Variants in RAPGEF6 observed in about 807,000 individuals in gnomAD.
The protein encoded by RAPGEF6 is PDZ domain containing guanine nucleotide exchange factor (GEF) 2.
Under a neutral mutation model 171.4 loss-of-function variants are expected in RAPGEF6, and 56 were observed. That is an observed-to-expected ratio of 0.33 (90% CI 0.26 to 0.41). RAPGEF6 has a LOEUF of 0.41. RAPGEF6 is among the 10% of genes least tolerant of loss of function. The pLI is 1.00. For synonymous variants in RAPGEF6, 692 were observed against 650.1 expected (o/e 1.06, Z -0.98); for missense variants, 1,674 against 1,921.4 (o/e 0.87, Z 2.41).
chr5:131,603,172 CTCTACATAAA>C, intron 3 of RAPGEF6, 89 bp downstream of exon 3: 1 of 862,778 alleles, frequency 1.2e-6, no homozygotes, highest in South Asian at 1.6e-5. Context: ...TTTCAGTGTG[CTCTACATAAA>C]TTGTCCCAGA....
intron 17 of RAPGEF6, among the ~76,000 whole-genome samples, chr5:131,467,799 A>C (rs1754462420): frequency 1.3e-5 from 2 of 152,206 alleles, no homozygotes; most frequent in Non-Finnish European, 2.9e-5. Context: ...TAGGGGGCTG[A>C]GGTGGGCAGA....
chr5:131,585,266 A>G (rs1253238189), intron 4 of RAPGEF6, among the ~76,000 whole-genome samples: 1 of 60,368 alleles, frequency 1.7e-5, no homozygotes, highest in South Asian at 5.7e-4. Flanking sequence ...GAAAAGTTCT[A>G]GAAAATAAGA....
intron 1 of RAPGEF6, among the ~76,000 whole-genome samples, chr5:131,628,357 C>A (rs1350362573): frequency 6.6e-6 from 1 of 151,918 alleles, no homozygotes; most frequent in Non-Finnish European, 1.5e-5. Context: ...AACCATCAAA[C>A]CAGCCACAAC....
chr5:131,557,318 C>G lies in RAPGEF6; in HGVS notation c.351+4660G>C, dbSNP rs1001727392. On this transcript the variant is annotated intron_variant, in intron 5 of 27. Coordinates refer to ENST00000509018, the MANE Select transcript of RAPGEF6 (RefSeq NM_016340.6). ...TCCTACAACTTTTTTCAGATTTAATCTGATGTATATAGATGGTTTTGATGT... is the reference window on the plus strand; with the variant it reads ...TCCTACAACTTTTTTCAGATTTAATGTGATGTATATAGATGGTTTTGATGT... Among the ~76,000 whole-genome samples, 100 of 152,146 alleles carry G rather than the reference C, an allele frequency of 6.6e-4. 1 individual carries two copies. The highest frequency in any genetic ancestry group is 2.1e-3 in the African/African-American group (87 of 41,504).
At chr5:131,589,476 G>T (rs550684646) in intron 4 of RAPGEF6, among the ~76,000 whole-genome samples, 332 of 152,278 alleles carry the variant, frequency 2.2e-3, no homozygotes, top group African/African-American at 7.8e-3. Context: ...TTGTATAAAG[G>T]ATAGTTTTGT....
rs756707362 is a variant in RAPGEF6 at position 131,429,007 on chromosome 5, C to T, written c.4675G>A (p.Val1559Met). The T allele has an allele frequency of 7.4e-6, 12 of 1,614,018 alleles. No individual in the cohort carries two copies. Among genetic ancestry groups the T allele is most frequent in the Middle Eastern group, 1.6e-4 (1 of 6,084 alleles). Reference sequence around the variant, plus strand: ...ACAATCTTCGATGGAACACAGGCCACGAGGTTGCTACTGAGAGAAGCTGGT... The same window carrying T: ...ACAATCTTCGATGGAACACAGGCCATGAGGTTGCTACTGAGAGAAGCTGGT... ...LPPASLSSNL[V>M]ACVPSKIVTQ... is the part of the protein sequence containing the mutation. Residue 1559 changes from valine (V) to methionine (M), a missense_variant, in exon 27 of 28, where the codon GTG (valine) becomes ATG (methionine). Coordinates refer to ENST00000509018, the MANE Select transcript of RAPGEF6 (RefSeq NM_016340.6).
chr5:131,462,519 T>C (rs1301780419), intron 18 of RAPGEF6, among the ~76,000 whole-genome samples: 1 of 152,226 alleles, frequency 6.6e-6, no homozygotes, highest in Admixed American at 6.5e-5. Flanking sequence ...ATTCAGAAGT[T>C]ACTCCACTCA....
chr5:131,440,386 G>A (rs976909506), intron 23 of RAPGEF6, among the ~76,000 whole-genome samples: 11 of 152,094 alleles, frequency 7.2e-5, no homozygotes, highest in Admixed American at 2.0e-4. Flanking sequence ...ATATATTGAC[G>A]TTTTTACATT....
chr5:131,593,835 G>A (rs1207112267), intron 3 of RAPGEF6, among the ~76,000 whole-genome samples: 21 of 152,130 alleles, frequency 1.4e-4, no homozygotes, highest in Admixed American at 1.2e-3. Context: ...AAAAGTGTAC[G>A]TTCATATGCA....
intron 6 of RAPGEF6, among the ~76,000 whole-genome samples, chr5:131,541,888 G>A (rs1760178147): frequency 6.6e-6 from 1 of 152,150 alleles, no homozygotes; most frequent in Admixed American, 6.5e-5. Flanking sequence ...CTATCAGATA[G>A]GCCTACAAGT....
rs757417322 is a variant in RAPGEF6 at position 131,604,671 on chromosome 5, T to C, written c.92A>G (p.Tyr31Cys). The change falls in exon 2 of 28, where the codon TAT becomes TGT. Residue 31 changes from tyrosine to cysteine, a missense_variant. Around this residue, in one of 3 missense-constraint regions of RAPGEF6, gnomAD observed 1,116 missense variants for 1,321.5 expected, o/e 0.84. Coordinates refer to ENST00000509018, the MANE Select transcript of RAPGEF6 (RefSeq NM_016340.6). ...TPEDLNTIYS[Y>C]LHGMEILSNL... ...TGATAATATTTCCATTCCATGAAGA[T>C]AAGAATAAATAGTATTTAAGTCCTG... 6.2e-7 allele frequency: 1 copy of C among 1,611,136 alleles called. No homozygotes were observed. The highest frequency in any genetic ancestry group is 1.7e-5 in the Admixed American group (1 of 59,398).
chr5:131,546,086 T>A (rs1760508506), intron 6 of RAPGEF6, among the ~76,000 whole-genome samples: 1 of 152,128 alleles, frequency 6.6e-6, no homozygotes, highest in African/African-American at 2.4e-5. Context: ...AGAGAAAATA[T>A]GAAATCTGTC....
intron 4 of RAPGEF6, among the ~76,000 whole-genome samples, chr5:131,590,136 C>T (rs1763503324): frequency 6.6e-6 from 1 of 152,128 alleles, no homozygotes; most frequent in African/African-American, 2.4e-5. Context: ...TACAGTGGCT[C>T]ATGTCTGTAA....
At chr5:131,494,851 T>C (rs867303740) in intron 13 of RAPGEF6, among the ~76,000 whole-genome samples, 7 of 152,144 alleles carry the variant, frequency 4.6e-5, no homozygotes, top group Non-Finnish European at 8.8e-5. Flanking sequence ...TGAACATACA[T>C]GTGTATGACT....
intron 17 of RAPGEF6, 69 bp from the exon 18 acceptor site, chr5:131,464,350 C>T (rs771333017): frequency 1.9e-5 from 23 of 1,229,088 alleles, no homozygotes; most frequent in East Asian, 2.4e-5. Context: ...CAAAAAGCAA[C>T]GTGAAACACA....
At chr5:131,453,703 C>A (rs1753272970) in intron 20 of RAPGEF6, among the ~76,000 whole-genome samples, 1 of 152,150 alleles carries the variant, frequency 6.6e-6, no homozygotes, top group South Asian at 2.1e-4. Context: ...CATTTATCCC[C>A]CGAGGTAGAC....
Position 131,504,757 on chromosome 5 carries a change from C to A in RAPGEF6, c.1123G>T (p.Asp375Tyr). ...DCQFVCIAQQ[D>Y]YWRILNHVEK... ...ACATGGTTTAAAATTCTCCAATAAT[C>A]TTGCTGGGCTATGCAGACAAACTGT... is the stretch of plus-strand genomic sequence containing the variant. The change falls in exon 11 of 28, where the codon GAT (aspartate) becomes TAT (tyrosine). Residue 375 changes from aspartate to tyrosine, a missense_variant. By Grantham distance (160) the Asp-to-Tyr change is radical (BLOSUM62 -3). Coordinates refer to ENST00000509018, the MANE Select transcript of RAPGEF6 (RefSeq NM_016340.6). 1 of 1,612,916 alleles carries A rather than the reference C, an allele frequency of 6.2e-7. No individual in the cohort carries two copies. The highest frequency in any genetic ancestry group is 8.5e-7 in the Non-Finnish European group (1 of 1,179,442).
chr5:131,499,433 T>G (rs1756863611), intron 11 of RAPGEF6, among the ~76,000 whole-genome samples: 1 of 151,772 alleles, frequency 6.6e-6, no homozygotes, highest in Admixed American at 6.6e-5. Context: ...ATACAAAAAT[T>G]GGCTGGGTGT....
chr5:131,454,503 C>T (rs1303553874), intron 20 of RAPGEF6, among the ~76,000 whole-genome samples: 3 of 151,818 alleles, frequency 2.0e-5, no homozygotes, highest in Non-Finnish European at 2.9e-5. Flanking sequence ...TTTGAAATAA[C>T]GATGTTGAAT....
Sources: allele counts gnomAD v4.1 joint callset (sites outside exome capture counted in the v4.1 genomes callset), GRCh38; gene constraint gnomAD v4.1.1; regional missense constraint gnomAD v4.1.1; transcripts MANE v1.5; gene names NCBI Gene and HGNC (gene_info 2026-07-23, HGNC 2026-07-21).